The following GPR158 variants were observed in gnomAD, a reference collection of about 807,000 sequenced individuals.
GPR158 encodes metabotropic glycine receptor.
A neutral mutation model predicts 78.2 loss-of-function variants in GPR158; 30 were observed. The ratio of observed to expected loss-of-function variants is 0.38; its 90% confidence interval spans 0.29 to 0.52. The LOEUF (loss-of-function observed/expected upper bound fraction) is 0.52. GPR158 is among the 20% of genes least tolerant of loss of function. The probability of loss-of-function intolerance (pLI) is 0.83; values close to 1 mark genes in which losing one functional copy is unlikely to be tolerated. For synonymous variants in GPR158, 581 were observed against 591.1 expected (o/e 0.98, Z 0.25); for missense variants, 1,463 against 1,523.5 (o/e 0.96, Z 0.66).
At chr10:25,319,925 G>A (rs747989523) in intron 2 of GPR158, among the ~76,000 whole-genome samples, 104 of 151,600 alleles carry the variant, frequency 6.9e-4, no homozygotes, top group Admixed American at 1.1e-3. Flanking sequence ...TTGTGATGGA[G>A]ATAGCAAAAA....
intron 3 of GPR158, among the ~76,000 whole-genome samples, chr10:25,399,923 C>T (rs1052021095): frequency 2.6e-5 from 4 of 152,112 alleles, no homozygotes; most frequent in Non-Finnish European, 5.9e-5. Context: ...ACATGTAGCC[C>T]TTGAACCAAA....
chr10:25,319,791 G>A (rs1022827101), intron 2 of GPR158, among the ~76,000 whole-genome samples: 1 of 151,132 alleles, frequency 6.6e-6, no homozygotes, highest in South Asian at 2.1e-4. Flanking sequence ...TATACTCATG[G>A]ATGGTGACAG....
At chr10:25,335,511 G>A (rs1855185287) in intron 2 of GPR158, among the ~76,000 whole-genome samples, 5 of 151,988 alleles carry the variant, frequency 3.3e-5, no homozygotes, top group Admixed American at 1.3e-4. Flanking sequence ...ATGTTCTTCT[G>A]CTATTGCTTT....
intron 5 of GPR158, among the ~76,000 whole-genome samples, chr10:25,493,928 G>A (rs942600175): frequency 6.6e-6 from 1 of 152,140 alleles, no homozygotes; most frequent in African/African-American, 2.4e-5. Flanking sequence ...TTTCCTTATG[G>A]CTGCTTAGGG....
chr10:25,397,629 T>C (rs1321295212), intron 3 of GPR158, among the ~76,000 whole-genome samples: 1 of 152,184 alleles, frequency 6.6e-6, no homozygotes, highest in Non-Finnish European at 1.5e-5. Context: ...ACTGTTTACA[T>C]TTAACTTGTA....
At chr10:25,436,048 A>G (rs1341967) in intron 4 of GPR158, among the ~76,000 whole-genome samples, 124,179 of 152,038 alleles carry the variant, frequency 0.82, 51,765 homozygotes, top group Non-Finnish European at 0.87. Context: ...AGTAGAGGAT[A>G]GTTTCCAGGA....
chr10:25,356,155 T>C (rs543650561), intron 2 of GPR158, among the ~76,000 whole-genome samples: 1 of 152,214 alleles, frequency 6.6e-6, no homozygotes, highest in East Asian at 1.9e-4. Flanking sequence ...TGACATTTGG[T>C]GCCAGGCAGA....
At chr10:25,462,940 C>A (rs1263502811) in intron 4 of GPR158, among the ~76,000 whole-genome samples, 1 of 152,140 alleles carries the variant, frequency 6.6e-6, no homozygotes, top group Admixed American at 6.5e-5. Context: ...GGATTGACTC[C>A]AATTTTGAAA....
intron 2 of GPR158, among the ~76,000 whole-genome samples, chr10:25,314,027 A>G (rs1443740230): frequency 6.6e-6 from 1 of 151,992 alleles, no homozygotes; most frequent in Non-Finnish European, 1.5e-5. Flanking sequence ...GTATTTTAAA[A>G]CGTTTTATTA....
At chr10:25,513,554 T>C (rs965267233) in intron 5 of GPR158, among the ~76,000 whole-genome samples, 1 of 152,166 alleles carries the variant, frequency 6.6e-6, no homozygotes, top group Non-Finnish European at 1.5e-5. Context: ...TCTTTTCTTC[T>C]GCTGAGTTTG....
chr10:25,425,125 T>C (rs1481776187), intron 4 of GPR158, among the ~76,000 whole-genome samples: 3 of 152,086 alleles, frequency 2.0e-5, no homozygotes, highest in Non-Finnish European at 2.9e-5. Flanking sequence ...GATTCGTAGG[T>C]ATTTTATTCT....
At chr10:25,449,909 G>A (rs1323664226) in intron 4 of GPR158, among the ~76,000 whole-genome samples, 1 of 151,542 alleles carries the variant, frequency 6.6e-6, no homozygotes, top group Admixed American at 6.6e-5. Flanking sequence ...CTTATATATT[G>A]TATGTTTTTA....
intron 3 of GPR158, among the ~76,000 whole-genome samples, chr10:25,399,954 C>T (rs1041470588): frequency 5.3e-5 from 8 of 152,044 alleles, no homozygotes; most frequent in Non-Finnish European, 1.2e-4. Context: ...GCATTAGGGA[C>T]CCAACATATG....
At chr10:25,365,201 G>C (rs554285187) in intron 2 of GPR158, among the ~76,000 whole-genome samples, 1 of 151,338 alleles carries the variant, frequency 6.6e-6, no homozygotes, top group South Asian at 2.1e-4. Flanking sequence ...CAGATGAAAA[G>C]ATAGCAATTA....
chr10:25,248,990 A>G (rs11014468), intron 2 of GPR158, among the ~76,000 whole-genome samples: 2 of 146,372 alleles, frequency 1.4e-5, no homozygotes, highest in South Asian at 4.4e-4. Context: ...TTTTATTTCC[A>G]TGAGCAGTGG....
At chr10:25,419,109 T>C (rs1281301671) in intron 4 of GPR158, among the ~76,000 whole-genome samples, 1 of 152,132 alleles carries the variant, frequency 6.6e-6, no homozygotes, top group Non-Finnish European at 1.5e-5. Flanking sequence ...TCAGAACTTT[T>C]TTTTATCATC....
intron 3 of GPR158, among the ~76,000 whole-genome samples, chr10:25,405,066 G>A (rs1834494310): frequency 6.6e-6 from 1 of 152,070 alleles, no homozygotes; most frequent in African/African-American, 2.4e-5. Flanking sequence ...ATCAAAATTG[G>A]AGAACATTGC....
intron 2 of GPR158, among the ~76,000 whole-genome samples, chr10:25,328,759 T>TA (rs1855071792): frequency 9.2e-5 from 14 of 151,910 alleles, no homozygotes; most frequent in Admixed American, 8.5e-4. Context: ...AAACCCCGTC[T>TA]GTACTAAAAA....
At chr10:25,263,660 G>T (rs750652802) in intron 2 of GPR158, among the ~76,000 whole-genome samples, 1 of 152,100 alleles carries the variant, frequency 6.6e-6, no homozygotes, top group Non-Finnish European at 1.5e-5. Context: ...TTTAAGGCCG[G>T]GTGCTGTGGC....
Sources: allele counts gnomAD v4.1 joint callset (sites outside exome capture counted in the v4.1 genomes callset), GRCh38; gene constraint gnomAD v4.1.1; transcripts MANE v1.5; gene names NCBI Gene and HGNC (gene_info 2026-07-23, HGNC 2026-07-21).